TGOLN2: variants seen among roughly 807,000 people sequenced by gnomAD.
TGOLN2 encodes trans-Golgi network integral membrane protein 2.
A neutral mutation model predicts 31.3 loss-of-function variants in TGOLN2; 19 were observed. The observed-to-expected ratio is 0.61, with a 90% CI of 0.42 to 0.89. The LOEUF (loss-of-function observed/expected upper bound fraction) is 0.89, where lower values mean the gene tolerates loss of function less well. TGOLN2 is among the 40% of genes least tolerant of loss of function. TGOLN2 has a pLI of 0.00. For missense variants in TGOLN2, 540 were observed against 559.2 expected (o/e 0.97, Z 0.35); for synonymous variants, 222 against 226.7 (o/e 0.98, Z 0.19).
At chr2:85,323,809 T>A (rs540519149) in intron 3 of TGOLN2, among the ~76,000 whole-genome samples, 21 of 152,362 alleles carry the variant, frequency 1.4e-4, no homozygotes, top group African/African-American at 4.3e-4. Context: ...TCCTGGCTGT[T>A]GCTATGCTGA....
rs1335451697 is a variant in TGOLN2, at chr2:85,327,039, T to C, written c.693A>G (p.Pro231=). ...CACCCGACTTGCTGGGCCCGTCTAT[T>C]GGGCCCTGCTCCTCTGCACCGGACT... is the stretch of plus-strand genomic sequence containing the variant. ...SNKSGAEEQG[P]IDGPSKSGAE... The change falls in exon 2 of 4, where the codon CCA becomes CCG. Residue 231 remains proline, a synonymous_variant. Coordinates refer to ENST00000377386, the MANE Select transcript of TGOLN2 (RefSeq NM_006464.4). 1.9e-6 allele frequency: 3 copies of C among 1,613,706 alleles called. No homozygotes were observed. The highest frequency in any genetic ancestry group is 1.7e-5 in the Admixed American group (1 of 60,000).
chr2:85,325,165 A>G (rs564517256), intron 2 of TGOLN2, among the ~76,000 whole-genome samples, 167 bp from the exon 3 acceptor site: 1 of 152,378 alleles, frequency 6.6e-6, no homozygotes, highest in African/African-American at 2.4e-5. Flanking sequence ...TTTAAGAAAG[A>G]CAGAGCCTAA....
chr2:85,327,229 G>T lies in TGOLN2; in HGVS notation c.503C>A (p.Ser168Ter), dbSNP rs751215976. Residue 168 changes from serine to a stop codon, truncating the protein, a stop_gained, in exon 2 of 4, where the codon TCA (serine) becomes TAA (stop). Transcript: ENST00000377386. LOFTEE classifies it high-confidence loss of function. ...TTTTGTGGTCTGCGCCTCCGAACCT[G>T]ACTTGCTAGGGCTGTCTTTTTGGGT... ...AKTQKDSPSK[S>*]GSEAQTTKDV... is the part of the protein sequence containing the mutation. 1 of 1,612,768 alleles carries T rather than the reference G, an allele frequency of 6.2e-7. No individual in the cohort carries two copies. Among genetic ancestry groups the T allele is most frequent in the Non-Finnish European group, 8.5e-7 (1 of 1,179,556 alleles).
At position 85,326,567 on chromosome 2, in the gene TGOLN2, G is replaced by C; in HGVS notation, c.1165C>G (p.Leu389Val). The C allele has an allele frequency of 6.2e-7, 1 of 1,613,994 alleles. No homozygotes were observed. Among genetic ancestry groups the C allele is most frequent in the Non-Finnish European group, 8.5e-7 (1 of 1,179,892 alleles). ...GCCACAAGAATGGCTGCAGTCACCA[G>C]ATATGCAAAGAAGTGGCTGCTCTCC... ...SAESSHFFAY[L>V]VTAAILVAVL... The change falls in exon 2 of 4, where the codon CTG (leucine) becomes GTG (valine). Residue 389 changes from leucine (L) to valine (V), a missense_variant. Physicochemically the swap from Leu to Val is conservative, Grantham distance 32 (BLOSUM62 1). Transcript: ENST00000377386.
rs1682793798 is a variant in TGOLN2, at chr2:85,327,535, C to CA, written c.196_197insT (p.Ser66MetfsTer3). 6.2e-7 allele frequency: 1 copy of CA among 1,613,946 alleles called. No individual in the cohort carries two copies. Among genetic ancestry groups the CA allele is most frequent in the South Asian group, 1.1e-5 (1 of 91,094 alleles). ...CGCCTCCGCACTCGACTTGCTAGGG[C>CA]TGTCTTTTGGAGTCTGCGGCTCCGG... On this transcript the variant is annotated frameshift_variant, in exon 2 of 4. Transcript: ENST00000377386. LOFTEE classifies it high-confidence loss of function.
At position 85,326,895 on chromosome 2, in the gene TGOLN2, G is replaced by A. The variant is rs897910738; in HGVS notation, c.837C>T (p.Asp279=). 1.2e-5 allele frequency: 20 copies of A among 1,613,942 alleles called. No individual in the cohort carries two copies. In the Admixed American group the frequency reaches 3.2e-4, roughly 26 times the overall value. ...TCCCTTTGTCAGCAAGCTGGTTTGT[G>A]TCAGCCTTGGGGAGCTCCTTGTTAT... is the stretch of plus-strand genomic sequence containing the variant. ...PSDNKELPKA[D]TNQLADKGKL... is the part of the protein sequence containing the mutation. Residue 279 remains aspartate, a synonymous_variant, in exon 2 of 4, where the codon GAC becomes GAT. Coordinates refer to ENST00000377386, the MANE Select transcript of TGOLN2 (RefSeq NM_006464.4).
chr2:85,323,352 G>A (rs1487347722), intron 3 of TGOLN2, among the ~76,000 whole-genome samples: 2 of 152,118 alleles, frequency 1.3e-5, no homozygotes, highest in African/African-American at 4.8e-5. Context: ...GATCATTTGA[G>A]GTCAGCAGTT....
intron 1 of TGOLN2, 32 bp downstream of exon 1, chr2:85,327,885 G>A (rs1682816342): frequency 1.3e-6 from 2 of 1,592,650 alleles, no homozygotes; most frequent in Admixed American, 1.8e-5. Context: ...GGATCTGGGG[G>A]CAAGAGTGGG....
chr2:85,327,496 T>A lies in TGOLN2; in HGVS notation c.236A>T (p.Asp79Val). The part of the protein sequence containing the change: ...KSSAEAQTPE[D>V]TPNKSGAEAK... ...CTCCGCACCCGACTTGTTGGGGGTG[T>A]CTTCTGGGGTCTGCGCCTCCGCACT... The change falls in exon 2 of 4, where the codon GAC becomes GTC. Residue 79 changes from aspartate to valine, a missense_variant. Asp to Val is a radical substitution (Grantham distance 152). Coordinates refer to ENST00000377386, the MANE Select transcript of TGOLN2 (RefSeq NM_006464.4). 1 of 1,613,926 alleles carries A rather than the reference T, an allele frequency of 6.2e-7. No homozygotes were observed. Among genetic ancestry groups the A allele is most frequent in the African/African-American group, 1.3e-5 (1 of 75,016 alleles).
chr2:85,325,133 G>T, intron 2 of TGOLN2, 135 bp from the exon 3 acceptor site: 1 of 751,572 alleles, frequency 1.3e-6, no homozygotes, highest in Non-Finnish European at 2.2e-6. Flanking sequence ...CACTCACAGA[G>T]GTCTATTTAA....
rs1573042596 is a variant in TGOLN2 at position 85,318,596 on chromosome 2, T to C, written c.*4140A>G. On this transcript the variant is annotated 3_prime_UTR_variant, in exon 4 of 4. Coordinates refer to ENST00000377386, the MANE Select transcript of TGOLN2 (RefSeq NM_006464.4). Reference sequence around the variant, plus strand: ...ATCTGGTGCCTCACAGTTTCCTCCATGCTGCAATGCTCTAGTTCTCATCAC... The same window carrying C: ...ATCTGGTGCCTCACAGTTTCCTCCACGCTGCAATGCTCTAGTTCTCATCAC... 1.3e-5 allele frequency: 2 copies of C among 152,276 alleles called. No homozygotes were observed. Among genetic ancestry groups the C allele is most frequent in the East Asian group, 3.8e-4 (2 of 5,202 alleles). The allele number at this position is 152,276 out of a possible 1,614,324, so 9.4% of individuals were successfully genotyped here. A position where few individuals can be genotyped will look rare whatever the true frequency, so the allele number is the denominator to read the frequency against.
rs931108549 is a variant in TGOLN2, at chr2:85,318,695, G to A, written c.*4041C>T. 1.3e-5 allele frequency: 2 copies of A among 152,284 alleles called. No individual in the cohort carries two copies. The highest frequency in any genetic ancestry group is 4.8e-5 in the African/African-American group (2 of 41,460). The allele number at this position is 152,284 out of a possible 1,614,324, so 9.4% of individuals were successfully genotyped here. On this transcript the variant is annotated 3_prime_UTR_variant, in exon 4 of 4. Coordinates refer to ENST00000377386, the MANE Select transcript of TGOLN2 (RefSeq NM_006464.4). ...AAGTCGCCAGCAGGGAAATTCCAGA[G>A]GTTTAGAATTCTATCAGCACATGTG...
chr2:85,326,488 G>C lies in TGOLN2; in HGVS notation c.1224+20C>G, dbSNP rs1203907124. On this transcript the variant is annotated intron_variant, in intron 2 of 3. Transcript: ENST00000377386. ...GTGCTGGAAACCCCACTCCCCTCCG[G>C]AAGGCCGCTGTCGACTTACCTTCCG... 6.2e-7 allele frequency: 1 copy of C among 1,605,960 alleles called. No homozygotes were observed. Among genetic ancestry groups the C allele is most frequent in the Non-Finnish European group, 8.5e-7 (1 of 1,174,068 alleles).
chr2:85,324,628 G>A lies in TGOLN2; in HGVS notation c.1308+287C>T, dbSNP rs546091468. ...CACTAACTTGCAGTAGAAACTTAGC[G>A]GAAAAAAAAAAAAAAGAGTGTTTCT... is the stretch of plus-strand genomic sequence containing the variant. On this transcript the variant is annotated intron_variant, in intron 3 of 3. Coordinates refer to ENST00000377386, the MANE Select transcript of TGOLN2 (RefSeq NM_006464.4). 72 of 473,186 alleles carry A rather than the reference G, an allele frequency of 1.5e-4. 1 individual carries two copies. Among genetic ancestry groups the A allele is most frequent in the African/African-American group, 9.3e-4 (46 of 49,692 alleles). 29.3% of individuals were successfully genotyped at this position (473,186 alleles called of 1,614,324 possible).
Position 85,326,614 on chromosome 2 carries a change from T to C in TGOLN2, c.1118A>G (p.Asn373Ser), listed in dbSNP as rs1222866341. Residue 373 changes from asparagine (N) to serine (S), a missense_variant, in exon 2 of 4, where the codon AAC becomes AGC. Coordinates refer to ENST00000377386, the MANE Select transcript of TGOLN2 (RefSeq NM_006464.4). ...CTCCGCGCTGCCATTTCCAGAACCG[T>C]TCGGATAAAGGTCATCCTTCTCGCT... Reference protein sequence around the residue: ...TGSEKDDLYPNGSGNGSAESS... With the variant: ...TGSEKDDLYPSGSGNGSAESS... The C allele has an allele frequency of 1.2e-6, 2 of 1,614,000 alleles. No homozygotes were observed. Among genetic ancestry groups the C allele is most frequent in the Admixed American group, 1.7e-5 (1 of 60,020 alleles).
chr2:85,327,081 T>A lies in TGOLN2; in HGVS notation c.651A>T (p.Pro217=), dbSNP rs1459954813. The A allele has an allele frequency of 1.2e-6, 2 of 1,613,624 alleles. No homozygotes were observed. The highest frequency in any genetic ancestry group is 2.7e-5 in the African/African-American group (2 of 74,910). Residue 217 remains proline, a synonymous_variant, in exon 2 of 4, where the codon CCA becomes CCT. Coordinates refer to ENST00000377386, the MANE Select transcript of TGOLN2 (RefSeq NM_006464.4). ...PNKSGAEKQT[P]KDGSNKSGAE... ...CACCGGACTTGTTAGAGCCGTCTTT[T>A]GGAGTCTGCTTCTCCGCACCCGACT...
intron 1 of TGOLN2, 110 bp downstream of exon 1, chr2:85,327,807 G>T: frequency 6.6e-7 from 1 of 1,520,848 alleles, no homozygotes. Flanking sequence ...GGAGACGATG[G>T]CGAGCGGAGA....
intron 1 of TGOLN2, 98 bp from the exon 2 acceptor site, chr2:85,327,783 T>TGGGGTTTG: frequency 9.1e-5 from 25 of 274,168 alleles, no homozygotes; most frequent in Non-Finnish European, 1.3e-4. Context: ...GAATGGGGAT[T>TGGGGTTTG]GGGGGGTGGG....
chr2:85,327,144 C>A lies in TGOLN2; in HGVS notation c.588G>T (p.Ser196=). 3.7e-6 allele frequency: 6 copies of A among 1,613,698 alleles called. No individual in the cohort carries two copies. Among genetic ancestry groups the A allele is most frequent in the Non-Finnish European group, 5.1e-6 (6 of 1,179,808 alleles). The change falls in exon 2 of 4, where the codon TCG becomes TCT. Residue 196 remains serine (S), a synonymous_variant. Coordinates refer to ENST00000377386, the MANE Select transcript of TGOLN2 (RefSeq NM_006464.4). ...GQTPKDGSSK[S]GAEDQTPKDV... is the part of the protein sequence containing the mutation. The stretch of plus-strand genomic sequence containing the variant: ...CTTTTGGGGTCTGATCCTCCGCACC[C>A]GACTTGCTGGAGCCGTCTTTTGGGG...
Sources: gnomAD v4.1 joint callset for allele counts (sites outside exome capture counted in the v4.1 genomes callset) on GRCh38, gnomAD v4.1.1 for gene constraint, MANE v1.5 for transcripts, NCBI Gene and HGNC (gene_info 2026-07-23, HGNC 2026-07-21) for gene names.